The following ZNF318 variants were observed in gnomAD, a reference collection of about 807,000 sequenced individuals.
ZNF318 encodes the protein endocrine regulator.
In ZNF318, 51 loss-of-function variants were observed where a neutral mutation model predicts 124.2. The observed-to-expected ratio is 0.41, with a 90% confidence interval of 0.33 to 0.52. The LOEUF (loss-of-function observed/expected upper bound fraction) is 0.52, where lower values mean the gene tolerates loss of function less well. Ranked by LOEUF, ZNF318 falls within the 20% of genes least tolerant of loss-of-function variation. The pLI, the probability that ZNF318 is intolerant of heterozygous loss-of-function variation, is 0.23. For missense variants in ZNF318, 2,815 were observed against 2,811.2 expected, an observed-to-expected ratio of 1.00 and a Z score of -0.03; for synonymous variants, 1,090 against 1,040.7, an observed-to-expected ratio of 1.05 and a Z score of -0.91.
Position 43,339,633 on chromosome 6 carries a change from G to T in ZNF318, c.4365C>A (p.Pro1455=). The change falls in exon 10 of 10, where the codon CCC becomes CCA. Residue 1455 remains proline, a synonymous_variant. Coordinates refer to ENST00000361428, the MANE Select transcript of ZNF318 (RefSeq NM_014345.3). This position sits in a 1 kb window ranked among gnomAD's most constrained non-coding sequence, Gnocchi z 4.2. ...GGGCAGCTGGATGAGGTATAACGGG[G>T]GGTGGTGGAGGTGGTGGAGGTGGGG... The part of the protein sequence containing the change: ...PPPPPPPPPP[P]PVIPHPAAPS... The T allele has an allele frequency of 6.2e-7, 1 of 1,612,134 alleles. No individual in the cohort carries two copies. The highest frequency in any genetic ancestry group is 1.3e-5 in the African/African-American group (1 of 74,644).
chr6:43,368,853 CGGAGGCTTCGCGCTTAGGACCCTGGTCT>C (rs1562138628), intron 1 of ZNF318, 86 bp downstream of exon 1: 1 of 1,237,058 alleles, frequency 8.1e-7, no homozygotes, highest in African/African-American at 1.6e-5. Context: ...GGGAGTTGGC[CGGAGGCTTCGCGCTTAGGACCCTGGTCT>C]GGAGGCCCCG....
intron 9 of ZNF318, 77 bp from the exon 10 acceptor site, chr6:43,340,579 A>G: frequency 6.7e-7 from 1 of 1,497,696 alleles, no homozygotes; most frequent in Non-Finnish European, 8.8e-7. Context: ...CTACTGTTAG[A>G]ATTCATTTAG....
intron 8 of ZNF318, among the ~76,000 whole-genome samples, chr6:43,341,457 C>T (rs1237297253): frequency 6.6e-6 from 1 of 152,038 alleles, no homozygotes; most frequent in East Asian, 1.9e-4. Context: ...TCGAGACCAT[C>T]CTGGCTAACA....
chr6:43,365,520 A>G, intron 1 of ZNF318, 80 bp from the exon 2 acceptor site: 2 of 1,473,714 alleles, frequency 1.4e-6, no homozygotes, highest in South Asian at 2.5e-5. Flanking sequence ...CCTAGTTACA[A>G]AGTTAGCCAG....
Position 43,355,658 on chromosome 6 carries a change from T to A in ZNF318, c.1676A>T (p.Glu559Val), listed in dbSNP as rs1779596610. 1 of 1,614,078 alleles carries A rather than the reference T, an allele frequency of 6.2e-7. No homozygotes were observed. ...TGCCTTCTGCCTCATAACTTCACTC[T>A]CAGAGCTCCCAAGGGGCTTTGGTAC... ...ESVPKPLGSSESEVMRQKASS... is the reference protein window; with the variant it reads ...ESVPKPLGSSVSEVMRQKASS... The change falls in exon 4 of 10, where the codon GAG becomes GTG. Residue 559 changes from glutamate to valine, a missense_variant. Physicochemically the swap from Glu to Val is moderately radical, Grantham distance 121 (BLOSUM62 -2). Transcript: ENST00000361428.
At chr6:43,351,348 T>C (rs371349864) in intron 5 of ZNF318, among the ~76,000 whole-genome samples, 1 of 152,240 alleles carries the variant, frequency 6.6e-6, no homozygotes, top group Non-Finnish European at 1.5e-5. Flanking sequence ...ATAATAGTAC[T>C]GTATCACTGC....
At chr6:43,367,052 G>T (rs927829852) in intron 1 of ZNF318, among the ~76,000 whole-genome samples, 1 of 152,106 alleles carries the variant, frequency 6.6e-6, no homozygotes, top group East Asian at 1.9e-4. Context: ...GTGTTTCACC[G>T]TGTTAGCCAA....
Position 43,337,672 on chromosome 6 carries a change from A to T in ZNF318, c.6326T>A (p.Leu2109His). The T allele has an allele frequency of 6.2e-7, 1 of 1,614,108 alleles. No individual in the cohort carries two copies. The highest frequency in any genetic ancestry group is 1.1e-5 in the South Asian group (1 of 91,076). ...IPSPNILKTGLTENVDRGLGG... is the reference protein window; with the variant it reads ...IPSPNILKTGHTENVDRGLGG... ...CAAGCCACGGTCAACATTTTCTGTA[A>T]GTCCAGTTTTCAAAATGTTAGGAGA... The change falls in exon 10 of 10, where the codon CTT (leucine) becomes CAT (histidine). Residue 2109 changes from leucine to histidine, a missense_variant. Physicochemically the swap from Leu to His is moderately conservative, Grantham distance 99. This residue lies in a region of ZNF318 where 927 missense variants were observed against 820.6 expected (regional missense o/e 1.13). Coordinates refer to ENST00000361428, the MANE Select transcript of ZNF318 (RefSeq NM_014345.3).
intron 2 of ZNF318, among the ~76,000 whole-genome samples, chr6:43,361,579 A>T (rs1029681845): frequency 5.9e-5 from 9 of 151,956 alleles, no homozygotes; most frequent in African/African-American, 2.2e-4. Context: ...AAAGTTAATA[A>T]TTTTTTTTAA....
rs982118168 is a variant in ZNF318, at chr6:43,355,570, T to C, written c.1764A>G (p.Glu588=). 1.2e-6 allele frequency: 2 copies of C among 1,614,094 alleles called. No individual in the cohort carries two copies. Among genetic ancestry groups the C allele is most frequent in the Non-Finnish European group, 1.7e-6 (2 of 1,180,046 alleles). The change falls in exon 4 of 10, where the codon GAA becomes GAG. Residue 588 remains glutamate (E), a synonymous_variant. Transcript: ENST00000361428. ...TGAGCAAGTCATGGATCTTCGCATA[T>C]TCTGGATTGGTCTCTTCTAGTGATT... ...KLESLEETNP[E]YAKIHDLLKT...
At chr6:43,352,746 G>A (rs1032865761) in intron 4 of ZNF318, among the ~76,000 whole-genome samples, 2 of 152,206 alleles carry the variant, frequency 1.3e-5, no homozygotes, top group African/African-American at 2.4e-5. Context: ...TTAGATAGTG[G>A]TTCTAAGTTC....
chr6:43,368,806 C>G, intron 1 of ZNF318, 161 bp downstream of exon 1: 1 of 984,258 alleles, frequency 1.0e-6, no homozygotes. Flanking sequence ...TCAACGCTCC[C>G]GGGTCTGACA....
chr6:43,348,087 TA>T (rs1192587296), intron 6 of ZNF318, among the ~76,000 whole-genome samples: 4 of 152,176 alleles, frequency 2.6e-5, no homozygotes, highest in Non-Finnish European at 4.4e-5. Context: ...GGTTAGGGAG[TA>T]AATGCTGGAA....
chr6:43,355,897 A>G lies in ZNF318; in HGVS notation c.1437T>C (p.Asn479=), dbSNP rs748442790. 6.2e-7 allele frequency: 1 copy of G among 1,614,190 alleles called. No homozygotes were observed. Among genetic ancestry groups the G allele is most frequent in the Non-Finnish European group, 8.5e-7 (1 of 1,180,032 alleles). Residue 479 remains asparagine (N), a synonymous_variant, in exon 4 of 10, where the codon AAT becomes AAC. Transcript: ENST00000361428. ...CAGGTCCCTCAGCCTTCAAATCCAA[A>G]TTATCCTTGTGGCATAGAAAACTTC... ...KFGSFLCHKD[N]LDLKAEGPER...
intron 1 of ZNF318, among the ~76,000 whole-genome samples, chr6:43,367,270 G>GT (rs1384051328): frequency 6.6e-6 from 1 of 152,130 alleles, no homozygotes; most frequent in Non-Finnish European, 1.5e-5. Flanking sequence ...AAGGATAGGA[G>GT]TTTTTTTCTG....
In ZNF318 at chr6:43,369,446, G is replaced by C. The variant is rs1779808624; in HGVS notation, c.-81C>G. ...AGGCTCGGAGCGCGCCGCCGCAGCT[G>C]CAGCCGCCGCCACCTCGGCCGCTGC... On this transcript the variant is annotated 5_prime_UTR_variant, in exon 1 of 10. Transcript: ENST00000361428. The C allele has an allele frequency of 9.2e-7, 1 of 1,088,192 alleles. No individual in the cohort carries two copies. The highest frequency in any genetic ancestry group is 1.7e-5 in the African/African-American group (1 of 59,668). The allele number at this position is 1,088,192 out of a possible 1,614,324, so 67.4% of individuals were successfully genotyped here.
chr6:43,337,620 G>A lies in ZNF318; in HGVS notation c.6378C>T (p.Ala2126=). The change falls in exon 10 of 10, where the codon GCC becomes GCT. Residue 2126 remains alanine (A), a synonymous_variant. Transcript: ENST00000361428. ...GLGGLEGTHQ[A]LDLLAGGMMP... ...TCATTCCTCCTGCTAACAGGTCAAG[G>A]GCCTGGTGTGTTCCCTCTAGGCCCC... is the stretch of plus-strand genomic sequence containing the variant. 1.9e-6 allele frequency: 3 copies of A among 1,614,078 alleles called. No homozygotes were observed. Among genetic ancestry groups the A allele is most frequent in the Non-Finnish European group, 2.5e-6 (3 of 1,180,010 alleles).
chr6:43,366,209 G>C (rs1201916514), intron 1 of ZNF318, among the ~76,000 whole-genome samples: 1 of 152,016 alleles, frequency 6.6e-6, no homozygotes, highest in Non-Finnish European at 1.5e-5. Flanking sequence ...GATGTTTCAG[G>C]CAAAGAAAAG....
rs1332092219 is a variant in ZNF318, at chr6:43,338,063, C to T, written c.5935G>A (p.Ala1979Thr). ...WESPEKPKTEALELQDVHPEL... is the reference protein window; with the variant it reads ...WESPEKPKTETLELQDVHPEL... ...GGATGGACATCTTGTAGCTCCAGTG[C>T]TTCTGTTTTTGGTTTCTCTGGGCTC... The change falls in exon 10 of 10, where the codon GCA (alanine) becomes ACA (threonine). Residue 1979 changes from alanine (A) to threonine (T), a missense_variant. Ala to Thr is a moderately conservative substitution (Grantham distance 58, BLOSUM62 0). Transcript: ENST00000361428. The T allele has an allele frequency of 1.2e-6, 2 of 1,614,080 alleles. No homozygotes were observed. The highest frequency in any genetic ancestry group is 2.7e-5 in the African/African-American group (2 of 74,936).
Sources: gnomAD v4.1 joint callset for allele counts (sites outside exome capture counted in the v4.1 genomes callset) on GRCh38, gnomAD v4.1.1 for gene constraint, gnomAD v4.1.1 regional missense constraint, Gnocchi (gnomAD v3.1) non-coding constraint, MANE v1.5 for transcripts, NCBI Gene and HGNC (gene_info 2026-07-23, HGNC 2026-07-21) for gene names.